CYP4F3: variants seen among roughly 807,000 people sequenced by gnomAD.
CYP4F3 encodes cytochrome P450 family 4 subfamily F member 3.
Under a neutral mutation model 54.8 loss-of-function variants are expected in CYP4F3, and 50 were observed. The ratio of observed to expected loss-of-function variants is 0.91; its 90% confidence interval spans 0.73 to 1.16. The LOEUF (loss-of-function observed/expected upper bound fraction) is 1.16. Ranked by LOEUF, CYP4F3 falls within the 50% of genes most tolerant of loss-of-function variation. CYP4F3 has a pLI of 0.00. For missense variants in CYP4F3, 715 were observed against 676.2 expected (o/e 1.06, Z -0.64); for synonymous variants, 244 against 262.6 (o/e 0.93, Z 0.69).
intron 2 of CYP4F3, chr19:15,643,954 C>T (rs766834618): frequency 1.9e-6 from 3 of 1,606,146 alleles, no homozygotes; most frequent in East Asian, 4.5e-5. Flanking sequence ...AGCTGGTGGC[C>T]ACCTACCCCC....
chr19:15,645,773 G>A lies in CYP4F3; in HGVS notation c.253G>A (p.Gly85Ser), dbSNP rs751774263. 7 of 1,614,110 alleles carry A rather than the reference G, an allele frequency of 4.3e-6. No homozygotes were observed. Among genetic ancestry groups the A allele is most frequent in the Non-Finnish European group, 5.9e-6 (7 of 1,179,958 alleles). Reference sequence around the variant, plus strand: ...CACACAAAGCCTGGCATGCACCTTCGGTGATATGTGCTGCTGGTGGGTGGG... The same window carrying A: ...CACACAAAGCCTGGCATGCACCTTCAGTGATATGTGCTGCTGGTGGGTGGG... ...LYTQSLACTF[G>S]DMCCWWVGPW... The change falls in exon 3 of 13, where the codon GGT becomes AGT. Residue 85 changes from glycine to serine, a missense_variant. By Grantham distance (56) the Gly-to-Ser change is moderately conservative. Transcript: ENST00000221307.
intron 2 of CYP4F3, chr19:15,644,132 C>T: frequency 7.0e-7 from 1 of 1,422,864 alleles, no homozygotes; most frequent in Non-Finnish European, 9.2e-7. Context: ...CCGTGTGTGG[C>T]CCCTGCAGTA....
rs771855711 is a variant in CYP4F3, at chr19:15,650,112, G to A, written c.847G>A (p.Val283Ile). Reference sequence around the variant, plus strand: ...GCGCCGCACCCTCCCTAGCCAGGGTGTTGATGACTTCCTCCAAGCCAAGGC... The same window carrying A: ...GCGCCGCACCCTCCCTAGCCAGGGTATTGATGACTTCCTCCAAGCCAAGGC... Reference protein sequence around the residue: ...ERRRTLPSQGVDDFLQAKAKS... With the variant: ...ERRRTLPSQGIDDFLQAKAKS... The change falls in exon 7 of 13, where the codon GTT (valine) becomes ATT (isoleucine). Residue 283 changes from valine (V) to isoleucine (I), a missense_variant. Val to Ile is a conservative substitution (Grantham distance 29). Transcript: ENST00000221307. 2 of 1,614,112 alleles carry A rather than the reference G, an allele frequency of 1.2e-6. No homozygotes were observed. The highest frequency in any genetic ancestry group is 1.7e-5 in the Admixed American group (1 of 60,006).
chr19:15,662,696 T>G lies in CYP4F3; in HGVS notation c.*3311T>G, dbSNP rs1973207569. ...ATAGTATACCCCTGTATTTATTTGT[T>G]TTCTTGAATTTCTTTTATCATTGTT... On this transcript the variant is annotated 3_prime_UTR_variant, in exon 13 of 13. Coordinates refer to ENST00000221307, the MANE Select transcript of CYP4F3 (RefSeq NM_000896.3). 1 of 152,236 alleles carries G rather than the reference T, an allele frequency of 6.6e-6. No individual in the cohort carries two copies. The highest frequency in any genetic ancestry group is 2.1e-4 in the South Asian group (1 of 4,832). 9.4% of individuals were successfully genotyped at this position (152,236 alleles called of 1,614,324 possible). A position where few individuals can be genotyped will look rare whatever the true frequency, so the allele number is the denominator to read the frequency against.
intron 2 of CYP4F3, among the ~76,000 whole-genome samples, chr19:15,643,728 G>A (rs1451725969): frequency 5.3e-5 from 8 of 152,154 alleles, no homozygotes; most frequent in Non-Finnish European, 1.2e-4. Context: ...GATTGAATGA[G>A]CTCTGCCCAC....
chr19:15,658,318 G>C lies in CYP4F3; in HGVS notation c.1170G>C (p.Arg390Ser), dbSNP rs1323062788. ...FLTMCIKESL[R>S]LHPPVPAVSR... Reference sequence around the variant, plus strand: ...CCATGTGCATTAAGGAGAGCCTGAGGCTGCATCCCCCAGTCCCTGCCGTCT... The same window carrying C: ...CCATGTGCATTAAGGAGAGCCTGAGCCTGCATCCCCCAGTCCCTGCCGTCT... The change falls in exon 10 of 13, where the codon AGG becomes AGC. Residue 390 changes from arginine to serine, a missense_variant. Arg to Ser is a moderately radical substitution (Grantham distance 110). Coordinates refer to ENST00000221307, the MANE Select transcript of CYP4F3 (RefSeq NM_000896.3). 6.2e-7 allele frequency: 1 copy of C among 1,614,016 alleles called. No individual in the cohort carries two copies. Among genetic ancestry groups the C allele is most frequent in the Admixed American group, 1.7e-5 (1 of 60,008 alleles).
intron 2 of CYP4F3, among the ~76,000 whole-genome samples, chr19:15,643,074 T>C (rs763015478): frequency 2.7e-5 from 4 of 149,786 alleles, no homozygotes; most frequent in Non-Finnish European, 4.5e-5. Flanking sequence ...AATGTACAGA[T>C]AAGATGGATG....
intron 3 of CYP4F3, 151 bp from the exon 4 acceptor site, chr19:15,646,901 A>C: frequency 8.3e-6 from 9 of 1,088,898 alleles, no homozygotes; most frequent in Non-Finnish European, 6.6e-6. Context: ...CCCCTCCCCC[A>C]TCCTGCCTTC....
intron 9 of CYP4F3, among the ~76,000 whole-genome samples, chr19:15,654,218 T>G (rs117689640): frequency 0.025 from 3,775 of 152,252 alleles, 86 homozygotes; most frequent in Admixed American, 0.045. Flanking sequence ...ATAAAGAATA[T>G]TTTTGCAATT....
At position 15,659,394 on chromosome 19, in the gene CYP4F3, G is replaced by A. The variant is rs1332536852; in HGVS notation, c.*9G>A. 1.5e-5 allele frequency: 24 copies of A among 1,609,888 alleles called. No individual in the cohort carries two copies. Among genetic ancestry groups the A allele is most frequent in the Non-Finnish European group, 2.0e-5 (23 of 1,177,878 alleles). On this transcript the variant is annotated 3_prime_UTR_variant, in exon 13 of 13. Coordinates refer to ENST00000221307, the MANE Select transcript of CYP4F3 (RefSeq NM_000896.3). Reference sequence around the variant, plus strand: ...TGGAGCCCCTGAGCTGAGTTCTGCAGAGACCCACTCTGACCCCACTAAAAT... The same window carrying A: ...TGGAGCCCCTGAGCTGAGTTCTGCAAAGACCCACTCTGACCCCACTAAAAT...
intron 9 of CYP4F3, among the ~76,000 whole-genome samples, chr19:15,654,351 T>C (rs2733753): frequency 0.66 from 101,015 of 152,058 alleles, 34,112 homozygotes; most frequent in East Asian, 0.82. Flanking sequence ...GGATATCCAT[T>C]GCCTGAAATA....
At chr19:15,652,505 A>G in intron 7 of CYP4F3, 64 bp from the exon 8 acceptor site, 1 of 1,549,826 alleles carries the variant, frequency 6.5e-7, no homozygotes. Flanking sequence ...TAGACTCAAG[A>G]GCCCTCAGAG....
intron 7 of CYP4F3, among the ~76,000 whole-genome samples, chr19:15,650,743 TTC>T (rs1599896033): frequency 7.6e-6 from 1 of 132,262 alleles, no homozygotes; most frequent in African/African-American, 2.9e-5. Context: ...TTTCTTTTCC[TTC>T]CTTCCATCTT....
At chr19:15,650,603 T>C (rs1248526002) in intron 7 of CYP4F3, among the ~76,000 whole-genome samples, 2 of 152,194 alleles carry the variant, frequency 1.3e-5, no homozygotes, top group Non-Finnish European at 2.9e-5. Context: ...TCTGCATCTG[T>C]GTCTTCATCT....
intron 2 of CYP4F3, chr19:15,643,781 A>G: frequency 1.6e-6 from 2 of 1,212,894 alleles, no homozygotes; most frequent in Non-Finnish European, 2.1e-6. Flanking sequence ...ACCAAATTGA[A>G]TGCCAGTCTC....
rs1226097803 is a variant in CYP4F3, at chr19:15,658,792, C to T, written c.1380C>T (p.Pro460=). The T allele has an allele frequency of 5.0e-6, 8 of 1,614,124 alleles. No individual in the cohort carries two copies. The South Asian group carries it at 8.8e-5, about 18-fold the overall frequency. Residue 460 remains proline, a synonymous_variant, in exon 12 of 13, where the codon CCC becomes CCT. Coordinates refer to ENST00000221307, the MANE Select transcript of CYP4F3 (RefSeq NM_000896.3). ...IKERSPLAFI[P]FSAGPRNCIG... is the part of the protein sequence containing the mutation. Reference sequence around the variant, plus strand: ...AGAGGTCACCTCTGGCTTTTATTCCCTTCTCAGCAGGGCCCAGGTAAGAGC... The same window carrying T: ...AGAGGTCACCTCTGGCTTTTATTCCTTTCTCAGCAGGGCCCAGGTAAGAGC...
chr19:15,645,975 G>A (rs1246815057), intron 3 of CYP4F3, 112 bp downstream of exon 3: 2 of 1,372,590 alleles, frequency 1.5e-6, no homozygotes, highest in South Asian at 1.7e-5. Flanking sequence ...CAGACAGGAG[G>A]GGCTGTGGTG....
In CYP4F3 at chr19:15,645,739, TCTC is replaced by T. The variant is rs1219510195; in HGVS notation, c.222_224del (p.Leu75del). 1 of 1,610,270 alleles carries T rather than the reference TCTC, an allele frequency of 6.2e-7. No individual in the cohort carries two copies. The highest frequency in any genetic ancestry group is 8.5e-7 in the Non-Finnish European group (1 of 1,177,302). ...TCCAGATTCACAGCTCGGAGGAAGG[TCTC>T]CTATACACACAAAGCCTGGCATGCA... On this transcript the variant is annotated inframe_deletion, in exon 3 of 13. Coordinates refer to ENST00000221307, the MANE Select transcript of CYP4F3 (RefSeq NM_000896.3).
chr19:15,655,913 T>C (rs1972998768), intron 9 of CYP4F3, among the ~76,000 whole-genome samples: 1 of 152,230 alleles, frequency 6.6e-6, no homozygotes. Context: ...GTGTTTATCA[T>C]TTTTGTGTTG....
Sources: gnomAD v4.1 joint callset for allele counts (sites outside exome capture counted in the v4.1 genomes callset) on GRCh38, gnomAD v4.1.1 for gene constraint, MANE v1.5 for transcripts, NCBI Gene and HGNC (gene_info 2026-07-23, HGNC 2026-07-21) for gene names.